ADGRG6: variants seen among roughly 807,000 people sequenced by gnomAD.
ADGRG6 encodes the protein adhesion G protein-coupled receptor G6.
Under a neutral mutation model 142.4 loss-of-function variants are expected in ADGRG6, and 84 were observed. That is an observed-to-expected ratio of 0.59 (90% confidence interval 0.49 to 0.71). The LOEUF is 0.71. Among genes scored for constraint, ADGRG6 ranks in the 30% least tolerant of loss-of-function variants. The probability of loss-of-function intolerance (pLI) is 0.00; values close to 1 mark genes in which losing one functional copy is unlikely to be tolerated. For missense variants in ADGRG6, 1,367 were observed against 1,466.6 expected (o/e 0.93, Z 1.11); for synonymous variants, 521 against 520.5 (o/e 1.00, Z -0.01).
At chr6:142,436,780 CA>C (rs745407987) in intron 22 of ADGRG6, among the ~76,000 whole-genome samples, 1 of 152,110 alleles carries the variant, frequency 6.6e-6, no homozygotes, top group Non-Finnish European at 1.5e-5. Flanking sequence ...TTCTAAGATA[CA>C]AATGACACAG....
chr6:142,436,892 G>A (rs554459367), intron 22 of ADGRG6, among the ~76,000 whole-genome samples: 47 of 152,102 alleles, frequency 3.1e-4, no homozygotes, highest in Non-Finnish European at 5.7e-4. Flanking sequence ...AGGCCAGGTG[G>A]AGCCGCATGA....
chr6:142,363,599 A>G (rs1288131904), intron 2 of ADGRG6, among the ~76,000 whole-genome samples: 1 of 152,174 alleles, frequency 6.6e-6, no homozygotes, highest in African/African-American at 2.4e-5. Context: ...ATATGTTACC[A>G]TATCTGTCTT....
intron 2 of ADGRG6, among the ~76,000 whole-genome samples, chr6:142,342,030 G>A (rs1472621086): frequency 6.6e-6 from 1 of 152,002 alleles, no homozygotes; most frequent in Non-Finnish European, 1.5e-5. Context: ...GTTTTTTGGT[G>A]AAGTTTACCT....
rs745595890 is a variant in ADGRG6, at chr6:142,400,445, T to C, written c.1568-40T>C. On this transcript the variant is annotated intron_variant, in intron 10 of 24. Coordinates refer to ENST00000367609, the MANE Select transcript of ADGRG6 (RefSeq NM_198569.3). ...ATCTCTAATCTCTAACTTTAAAAAA[T>C]AGGTGAATATTTCTCATGCTGGTTC... 4.2e-6 allele frequency: 4 copies of C among 956,414 alleles called. No homozygotes were observed. The South Asian group carries it at 5.5e-5, about 13-fold the overall frequency. The allele number at this position is 956,414 out of a possible 1,614,324, so 59.2% of individuals were successfully genotyped here.
chr6:142,381,870 A>G (rs1781785810), intron 4 of ADGRG6, 81 bp from the exon 5 acceptor site: 6 of 860,622 alleles, frequency 7.0e-6, no homozygotes, highest in Admixed American at 2.1e-5. Flanking sequence ...GGCTGCTTCT[A>G]TTACATCAAC....
chr6:142,393,297 T>C (rs964467485), intron 8 of ADGRG6, among the ~76,000 whole-genome samples: 1 of 152,166 alleles, frequency 6.6e-6, no homozygotes, highest in Non-Finnish European at 1.5e-5. Flanking sequence ...TGTTAGTTTC[T>C]TCTCACACCC....
At chr6:142,436,391 G>A (rs1777487071) in intron 22 of ADGRG6, among the ~76,000 whole-genome samples, 1 of 152,160 alleles carries the variant, frequency 6.6e-6, no homozygotes, top group Non-Finnish European at 1.5e-5. Context: ...GAGACGTCTA[G>A]TAAAGTGGTC....
At chr6:142,386,730 A>G (rs1162565866) in intron 6 of ADGRG6, among the ~76,000 whole-genome samples, 1 of 152,184 alleles carries the variant, frequency 6.6e-6, no homozygotes, top group East Asian at 1.9e-4. Flanking sequence ...TTGACTTTCC[A>G]ACCTGCTTAT....
At chr6:142,314,862 G>A (rs539711203) in intron 2 of ADGRG6, among the ~76,000 whole-genome samples, 1 of 152,162 alleles carries the variant, frequency 6.6e-6, no homozygotes, top group South Asian at 2.1e-4. Flanking sequence ...AAACCTAGCT[G>A]TCCTTCAAAT....
At chr6:142,406,043 T>C (rs1458105255) in intron 15 of ADGRG6, among the ~76,000 whole-genome samples, 1 of 152,196 alleles carries the variant, frequency 6.6e-6, no homozygotes, top group African/African-American at 2.4e-5. Flanking sequence ...TTTAAAATAA[T>C]TCAAGTATTA....
chr6:142,317,741 A>G (rs1490630264), intron 2 of ADGRG6, among the ~76,000 whole-genome samples: 2 of 110,656 alleles, frequency 1.8e-5, no homozygotes, highest in Non-Finnish European at 3.4e-5. Context: ...ATATATTTAT[A>G]TAATATATAT....
At chr6:142,432,461 A>G (rs555553211) in intron 22 of ADGRG6, among the ~76,000 whole-genome samples, 2 of 152,304 alleles carry the variant, frequency 1.3e-5, no homozygotes, top group South Asian at 2.1e-4. Context: ...AATTTAAAAT[A>G]TATTCATTCC....
intron 2 of ADGRG6, among the ~76,000 whole-genome samples, chr6:142,336,929 G>A (rs1779344610): frequency 6.6e-6 from 1 of 152,156 alleles, no homozygotes. Flanking sequence ...TGGAGGTGTT[G>A]TTACTGCCAA....
At chr6:142,416,252 C>T (rs2115077344) in intron 20 of ADGRG6, among the ~76,000 whole-genome samples, 188 bp downstream of exon 20, 1 of 152,234 alleles carries the variant, frequency 6.6e-6, no homozygotes, top group South Asian at 2.1e-4. Flanking sequence ...TAAAACTCAT[C>T]AACAGCACTC....
At chr6:142,390,014 A>G (rs1774805239) in intron 6 of ADGRG6, among the ~76,000 whole-genome samples, 1 of 151,856 alleles carries the variant, frequency 6.6e-6, no homozygotes, top group Non-Finnish European at 1.5e-5. Flanking sequence ...TGCAAGTAAT[A>G]AGAGTAAGCT....
intron 22 of ADGRG6, among the ~76,000 whole-genome samples, chr6:142,437,082 A>G (rs1172304843): frequency 2.6e-5 from 4 of 152,222 alleles, no homozygotes. Context: ...TATGTATGGA[A>G]AGTTTTAACA....
Position 142,437,543 on chromosome 6 carries a change from G to A in ADGRG6, c.3421+8G>A, listed in dbSNP as rs1305143855. The stretch of plus-strand genomic sequence containing the variant: ...GGTTAGCAGATAACTCAGGTAAAGA[G>A]TTGTTGATTAAATTTTACATCTACA... On this transcript the variant is annotated splice_region_variant and intron_variant, in intron 23 of 24. Transcript: ENST00000367609. 7 of 1,287,390 alleles carry A rather than the reference G, an allele frequency of 5.4e-6. No individual in the cohort carries two copies. The highest frequency in any genetic ancestry group is 7.9e-6 in the Non-Finnish European group (7 of 882,592). The allele number at this position is 1,287,390 out of a possible 1,614,324, so 79.7% of individuals were successfully genotyped here.
At chr6:142,441,542 AT>A (rs1289187643) in intron 24 of ADGRG6, among the ~76,000 whole-genome samples, 1 of 152,188 alleles carries the variant, frequency 6.6e-6, no homozygotes, top group African/African-American at 2.4e-5. Context: ...CTCATTCAGA[AT>A]TTTGCTTTGT....
intron 6 of ADGRG6, among the ~76,000 whole-genome samples, chr6:142,389,105 TTTTATATA>T (rs1317192047): frequency 6.6e-6 from 1 of 151,958 alleles, no homozygotes; most frequent in Non-Finnish European, 1.5e-5. Flanking sequence ...CTTGTGCCAG[TTTTATATA>T]TTTATATTAC....
Sources: allele counts gnomAD v4.1 joint callset (sites outside exome capture counted in the v4.1 genomes callset), GRCh38; gene constraint gnomAD v4.1.1; transcripts MANE v1.5; gene names NCBI Gene and HGNC (gene_info 2026-07-23, HGNC 2026-07-21).